The following PPP4R4 variants were observed in gnomAD, a reference collection of about 807,000 sequenced individuals.
PPP4R4 encodes serine/threonine-protein phosphatase 4 regulatory subunit 4.
A neutral mutation model predicts 121.8 loss-of-function variants in PPP4R4; 70 were observed. That is an observed-to-expected ratio of 0.57 (90% CI 0.47 to 0.70). The LOEUF is 0.70. Among genes scored for constraint, PPP4R4 ranks in the 30% least tolerant of loss-of-function variants. PPP4R4 has a pLI of 0.00. For synonymous variants in PPP4R4, 348 were observed against 355.7 expected (o/e 0.98, Z 0.24); for missense variants, 875 against 1,033.6 (o/e 0.85, Z 2.10).
chr14:94,274,635 G>A (rs1047094079), intron 23 of PPP4R4, among the ~76,000 whole-genome samples: 1 of 152,176 alleles, frequency 6.6e-6, no homozygotes, highest in African/African-American at 2.4e-5. Context: ...ACAATATCAA[G>A]TGTGTGTGAG....
chr14:94,197,511 G>A (rs188788869), intron 2 of PPP4R4, among the ~76,000 whole-genome samples: 18 of 152,158 alleles, frequency 1.2e-4, no homozygotes, highest in African/African-American at 4.3e-4. Flanking sequence ...CTTCATAGGG[G>A]TACTTTCATC....
chr14:94,219,080 CT>C lies in PPP4R4; in HGVS notation c.294+10530del, dbSNP rs71301922. Among the ~76,000 whole-genome samples the C allele has an allele frequency of 7.6e-4, 81 of 106,984 alleles. 1 individual carries two copies. Among genetic ancestry groups the C allele is most frequent in the Admixed American group, 2.4e-3 (23 of 9,630 alleles). 70.2% of individuals were successfully genotyped at this position (106,984 alleles called of 152,430 possible). On this transcript the variant is annotated intron_variant, in intron 3 of 24. Coordinates refer to ENST00000304338, the MANE Select transcript of PPP4R4 (RefSeq NM_058237.2). ...ATCTTTTTTTTTTTTCTTTTCTTTT[CT>C]TTTTTTTTTTTTTTTGAGATGGAGT... is the stretch of plus-strand genomic sequence containing the variant.
rs1462977760 is a variant in PPP4R4 at position 94,276,307 on chromosome 14, T to C, written c.2597+786T>C. The stretch of plus-strand genomic sequence containing the variant: ...TTTGAATAAAGTTTCTTAAATACAT[T>C]CTTTTGCAAAAACTGTGCTGGAGTC... On this transcript the variant is annotated intron_variant, in intron 24 of 24. Coordinates refer to ENST00000304338, the MANE Select transcript of PPP4R4 (RefSeq NM_058237.2). Among the ~76,000 whole-genome samples the C allele has an allele frequency of 2.0e-5, 3 of 152,248 alleles. No individual in the cohort carries two copies. In the East Asian group the frequency reaches 5.8e-4, roughly 29 times the overall value.
intron 12 of PPP4R4, among the ~76,000 whole-genome samples, chr14:94,245,121 G>A (rs1470085447): frequency 1.3e-5 from 2 of 151,832 alleles, no homozygotes; most frequent in Non-Finnish European, 2.9e-5. Flanking sequence ...TTGCCATTGT[G>A]TAGTATTTTA....
intron 8 of PPP4R4, among the ~76,000 whole-genome samples, chr14:94,239,643 T>C (rs1436227879): frequency 6.6e-6 from 1 of 152,096 alleles, no homozygotes; most frequent in Non-Finnish European, 1.5e-5. Flanking sequence ...GAGCCACACT[T>C]ATTTGTTCAC....
chr14:94,263,388 C>G (rs1893881087), intron 19 of PPP4R4, among the ~76,000 whole-genome samples: 1 of 152,154 alleles, frequency 6.6e-6, no homozygotes, highest in African/African-American at 2.4e-5. Flanking sequence ...CCTGTCATCT[C>G]CATTCAGCTG....
At chr14:94,245,562 C>T in intron 12 of PPP4R4, 25 bp from the exon 13 acceptor site, 4 of 1,318,926 alleles carry the variant, frequency 3.0e-6, no homozygotes, top group Admixed American at 1.9e-5. Flanking sequence ...ATCACTATAA[C>T]AGTAATCAAT....
At chr14:94,254,981 G>A (rs767041767) in intron 16 of PPP4R4, among the ~76,000 whole-genome samples, 1 of 152,014 alleles carries the variant, frequency 6.6e-6, no homozygotes, top group South Asian at 2.1e-4. Context: ...ACATTACTTT[G>A]GTGATCTCTC....
chr14:94,233,523 T>G, intron 5 of PPP4R4, 130 bp from the exon 6 acceptor site: 1 of 615,852 alleles, frequency 1.6e-6, no homozygotes, highest in Non-Finnish European at 2.9e-6. Flanking sequence ...TATTGAGTCA[T>G]GAACCTCAAA....
intron 18 of PPP4R4, 140 bp downstream of exon 18, chr14:94,258,964 G>A (rs1426146266): frequency 1.2e-5 from 10 of 811,832 alleles, no homozygotes; most frequent in Admixed American, 2.7e-5. Flanking sequence ...CCTCACAATC[G>A]TGACAGAAGG....
At chr14:94,259,057 A>G (rs2896265) in intron 18 of PPP4R4, among the ~76,000 whole-genome samples, 1 of 151,900 alleles carries the variant, frequency 6.6e-6, no homozygotes, top group Non-Finnish European at 1.5e-5. Context: ...TTACAATACC[A>G]TCAGATCTCG....
chr14:94,276,762 T>C (rs1894664843), intron 24 of PPP4R4, among the ~76,000 whole-genome samples: 1 of 152,156 alleles, frequency 6.6e-6, no homozygotes, highest in South Asian at 2.1e-4. Flanking sequence ...CAAATTGTAA[T>C]TGGTCGTTGG....
chr14:94,192,704 C>T (rs1351110129), intron 2 of PPP4R4, among the ~76,000 whole-genome samples: 1 of 152,116 alleles, frequency 6.6e-6, no homozygotes, highest in African/African-American at 2.4e-5. Context: ...CTGGAGTTCT[C>T]AGATATAGTA....
chr14:94,250,850 T>A (rs1362500951), intron 15 of PPP4R4, among the ~76,000 whole-genome samples: 1 of 152,000 alleles, frequency 6.6e-6, no homozygotes, highest in African/African-American at 2.4e-5. Flanking sequence ...GTGAGTTTGT[T>A]AATTATTGTA....
chr14:94,226,652 C>T (rs1891721191), intron 3 of PPP4R4, among the ~76,000 whole-genome samples: 1 of 151,922 alleles, frequency 6.6e-6, no homozygotes, highest in Non-Finnish European at 1.5e-5. Flanking sequence ...TTACTAAAAC[C>T]TCCCACATTT....
intron 14 of PPP4R4, among the ~76,000 whole-genome samples, chr14:94,248,341 C>G (rs1412630522): frequency 1.3e-5 from 2 of 152,232 alleles, no homozygotes; most frequent in East Asian, 3.9e-4. Context: ...TCCAGTAACA[C>G]ATCTAACCAA....
At chr14:94,250,922 G>A (rs913864558) in intron 15 of PPP4R4, among the ~76,000 whole-genome samples, 1 of 151,958 alleles carries the variant, frequency 6.6e-6, no homozygotes, top group Non-Finnish European at 1.5e-5. Flanking sequence ...GCATAGGCAG[G>A]TAATGGGATT....
intron 16 of PPP4R4, among the ~76,000 whole-genome samples, chr14:94,253,212 A>G (rs960170039): frequency 6.6e-6 from 1 of 152,224 alleles, no homozygotes; most frequent in Non-Finnish European, 1.5e-5. Flanking sequence ...AAATCCCAGC[A>G]CTTTGGGAGG....
intron 23 of PPP4R4, among the ~76,000 whole-genome samples, chr14:94,269,414 G>A (rs570894714): frequency 3.2e-4 from 48 of 152,146 alleles, no homozygotes; most frequent in Non-Finnish European, 6.6e-4. Context: ...TGTGGCTCAC[G>A]CCTGCAATCC....
Sources: gnomAD v4.1 joint callset for allele counts (sites outside exome capture counted in the v4.1 genomes callset) on GRCh38, gnomAD v4.1.1 for gene constraint, MANE v1.5 for transcripts, NCBI Gene and HGNC (gene_info 2026-07-23, HGNC 2026-07-21) for gene names.